ATP13A4: variants seen among roughly 807,000 people sequenced by gnomAD.
ATP13A4 encodes probable cation-transporting ATPase 13A4.
Under a neutral mutation model 142.5 loss-of-function variants are expected in ATP13A4, and 114 were observed. That is an observed-to-expected ratio of 0.80 (90% CI 0.69 to 0.93). ATP13A4 has a LOEUF of 0.93. Among genes scored for constraint, ATP13A4 ranks in the 40% least tolerant of loss-of-function variants. The pLI, the probability that ATP13A4 is intolerant of heterozygous loss-of-function variation, is 0.00. For missense variants in ATP13A4, 1,392 were observed against 1,454.0 expected (o/e 0.96, Z 0.69); for synonymous variants, 488 against 514.8 (o/e 0.95, Z 0.70).
At chr3:193,452,725 T>G (rs1717353291) in intron 17 of ATP13A4, among the ~76,000 whole-genome samples, 1 of 149,628 alleles carries the variant, frequency 6.7e-6, no homozygotes, top group South Asian at 2.1e-4. Context: ...TATAATAATA[T>G]ACTTTAGGCT....
chr3:193,470,695 G>A (rs796860078), intron 9 of ATP13A4, among the ~76,000 whole-genome samples, 164 bp downstream of exon 9: 13 of 152,240 alleles, frequency 8.5e-5, no homozygotes, highest in African/African-American at 2.9e-4. Flanking sequence ...AGATCCATTC[G>A]CAGCAGGACT....
chr3:193,545,168 A>T (rs1205700731), intron 1 of ATP13A4, among the ~76,000 whole-genome samples: 1 of 152,240 alleles, frequency 6.6e-6, no homozygotes, highest in East Asian at 1.9e-4. Flanking sequence ...GCCTCAAAAC[A>T]TGAAGCATTT....
intron 8 of ATP13A4, among the ~76,000 whole-genome samples, chr3:193,472,929 T>G (rs938273906): frequency 6.6e-6 from 1 of 152,212 alleles, no homozygotes; most frequent in Admixed American, 6.5e-5. Flanking sequence ...AAAATATCAA[T>G]GTACTAGATA....
chr3:193,412,260 C>A lies in ATP13A4; in HGVS notation c.3126G>T (p.Trp1042Cys), dbSNP rs199711949. 10 of 1,613,522 alleles carry A rather than the reference C, an allele frequency of 6.2e-6. No homozygotes were observed. The East Asian group carries it at 2.2e-4, about 36-fold the overall frequency. Residue 1042 changes from tryptophan to cysteine, a missense_variant, in exon 27 of 30, where the codon TGG becomes TGT. Coordinates refer to ENST00000342695, the MANE Select transcript of ATP13A4 (RefSeq NM_032279.4). ...TGATACAGTTGATTGTTCCCAAGAA[C>A]CAGACTGTAGTGTTCTCAAAACTTG... ...TFTSFENTTV[W>C]FLGTINCITV...
intron 1 of ATP13A4, among the ~76,000 whole-genome samples, chr3:193,533,771 T>TGA: frequency 6.6e-6 from 1 of 152,288 alleles, no homozygotes; most frequent in South Asian, 2.1e-4. Context: ...CAGACTGTAA[T>TGA]GAGGTCTTTC....
chr3:193,515,281 G>C (rs969324009), intron 1 of ATP13A4, among the ~76,000 whole-genome samples: 1 of 152,150 alleles, frequency 6.6e-6, no homozygotes, highest in Non-Finnish European at 1.5e-5. Context: ...GCCCAAGGCC[G>C]CACAGCTAGA....
chr3:193,442,527 C>T lies in ATP13A4; in HGVS notation c.2182G>A (p.Ala728Thr), dbSNP rs776330439. 1 of 1,614,010 alleles carries T rather than the reference C, an allele frequency of 6.2e-7. No homozygotes were observed. The highest frequency in any genetic ancestry group is 8.5e-7 in the Non-Finnish European group (1 of 1,179,924). ...GDNLQTAITV[A>T]RKSGMVSESQ... Reference sequence around the variant, plus strand: ...TCAGAAACCATTCCAGATTTTCTGGCCACTGTTATTGCAGTCTGAAGATTG... The same window carrying T: ...TCAGAAACCATTCCAGATTTTCTGGTCACTGTTATTGCAGTCTGAAGATTG... Residue 728 changes from alanine to threonine, a missense_variant, in exon 19 of 30, where the codon GCC becomes ACC. Transcript: ENST00000342695.
intron 2 of ATP13A4, among the ~76,000 whole-genome samples, chr3:193,563,043 A>G (rs1224747568): frequency 6.6e-6 from 1 of 152,186 alleles, no homozygotes; most frequent in East Asian, 1.9e-4. Context: ...GGAAGAACAA[A>G]TAAGATTGTA....
chr3:193,464,836 C>T (rs1436056544), intron 12 of ATP13A4, 104 bp downstream of exon 12: 4 of 1,226,510 alleles, frequency 3.3e-6, no homozygotes, highest in Non-Finnish European at 4.7e-6. Context: ...TGAAGACAGG[C>T]ACCCACATTC....
At chr3:193,562,431 G>T (rs1399270445) in intron 2 of ATP13A4, among the ~76,000 whole-genome samples, 1 of 152,164 alleles carries the variant, frequency 6.6e-6, no homozygotes. Context: ...TTGTAAAAAT[G>T]GGAAATATCT....
chr3:193,541,037 C>G (rs1313883812), intron 1 of ATP13A4, among the ~76,000 whole-genome samples: 4 of 152,044 alleles, frequency 2.6e-5, no homozygotes, highest in Non-Finnish European at 5.9e-5. Flanking sequence ...ATCGCGAGGT[C>G]AGGAGATCGA....
In ATP13A4 at chr3:193,402,684, G is replaced by T; in HGVS notation, c.3559C>A (p.Pro1187Thr). 1 of 1,127,786 alleles carries T rather than the reference G, an allele frequency of 8.9e-7. No homozygotes were observed. The highest frequency in any genetic ancestry group is 1.4e-6 in the Non-Finnish European group (1 of 735,926). The allele number at this position is 1,127,786 out of a possible 1,614,324, so 69.9% of individuals were successfully genotyped here. A position where few individuals can be genotyped will look rare whatever the true frequency, so the allele number is the denominator to read the frequency against. The change falls in exon 30 of 30, where the codon CCA becomes ACA. Residue 1187 changes from proline (P) to threonine (T), a missense_variant. Transcript: ENST00000342695. Reference sequence around the variant, plus strand: ...TGTTCTTCATTGCTCTCAAATACTGGATTGCTGTAAGACACTCCTCTGCCA... The same window carrying T: ...TGTTCTTCATTGCTCTCAAATACTGTATTGCTGTAAGACACTCCTCTGCCA... Reference protein sequence around the residue: ...ECGRGVSYSNPVFESNEEQL With the variant: ...ECGRGVSYSNTVFESNEEQL
At position 193,459,251 on chromosome 3, in the gene ATP13A4, G is replaced by A. The variant is rs76990389; in HGVS notation, c.1524-20C>T. 8.8e-4 allele frequency: 1,425 copies of A among 1,614,066 alleles called. 11 individuals carry two copies. In the African/African-American group the frequency reaches 0.017, roughly 20 times the overall value. On this transcript the variant is annotated intron_variant, in intron 13 of 29. Transcript: ENST00000342695. Reference sequence around the variant, plus strand: ...TGAAAGCTTAAGGAGAAAAGGAAATGGGTTTCCATTCCATCGCCTCATGCC... The same window carrying A: ...TGAAAGCTTAAGGAGAAAAGGAAATAGGTTTCCATTCCATCGCCTCATGCC...
chr3:193,504,058 G>A (rs1337733723), intron 2 of ATP13A4, among the ~76,000 whole-genome samples: 2 of 148,356 alleles, frequency 1.3e-5, no homozygotes, highest in African/African-American at 5.0e-5. Context: ...AGATGAAGAA[G>A]GGAAGGAAGC....
intron 7 of ATP13A4, among the ~76,000 whole-genome samples, chr3:193,485,934 A>AT (rs1719589007): frequency 6.6e-6 from 1 of 151,772 alleles, no homozygotes; most frequent in South Asian, 2.1e-4. Flanking sequence ...CAAAAAAAAA[A>AT]AAGAAAATCC....
chr3:193,478,014 G>C (rs911792461), intron 8 of ATP13A4, among the ~76,000 whole-genome samples: 1 of 151,964 alleles, frequency 6.6e-6, no homozygotes, highest in Non-Finnish European at 1.5e-5. Flanking sequence ...GCAAAACACT[G>C]CCAAAGAAAT....
chr3:193,399,256 A>G lies in ATP13A4; in HGVS notation c.*3396T>C, dbSNP rs1368803461. On this transcript the variant is annotated 3_prime_UTR_variant, in exon 30 of 30. Coordinates refer to ENST00000342695, the MANE Select transcript of ATP13A4 (RefSeq NM_032279.4). Reference sequence around the variant, plus strand: ...AGACTCTGCTCAAGAAAGTGTATTGATAACAGGTTGCTCCGCCCTCAAGTT... The same window carrying G: ...AGACTCTGCTCAAGAAAGTGTATTGGTAACAGGTTGCTCCGCCCTCAAGTT... Among the ~76,000 whole-genome samples, 1 of 152,208 alleles carries G rather than the reference A, an allele frequency of 6.6e-6. No individual in the cohort carries two copies. The highest frequency in any genetic ancestry group is 2.4e-5 in the African/African-American group (1 of 41,456).
intron 28 of ATP13A4, among the ~76,000 whole-genome samples, chr3:193,408,245 G>A (rs560855590): frequency 1.3e-5 from 2 of 152,240 alleles, no homozygotes; most frequent in South Asian, 4.2e-4. Context: ...CCACTTCTAG[G>A]AATTTATCTG....
chr3:193,419,743 C>T lies in ATP13A4; in HGVS notation c.2843-4993G>A, dbSNP rs1206320578. 2.0e-5 allele frequency among the ~76,000 whole-genome samples: 3 copies of T among 150,170 alleles called. 1 individual carries two copies. Among genetic ancestry groups the T allele is most frequent in the Admixed American group, 6.8e-5 (1 of 14,636 alleles). ...CCCAACAGGAAAAATAGCTCTAGTT[C>T]CCTGGTTCCCTAGAGCTTGACTAGC... On this transcript the variant is annotated intron_variant, in intron 25 of 29. Coordinates refer to ENST00000342695, the MANE Select transcript of ATP13A4 (RefSeq NM_032279.4).
Sources: gnomAD v4.1 joint callset for allele counts (sites outside exome capture counted in the v4.1 genomes callset) on GRCh38, gnomAD v4.1.1 for gene constraint, MANE v1.5 for transcripts, NCBI Gene and HGNC (gene_info 2026-07-23, HGNC 2026-07-21) for gene names.